RHNO1: variants seen among roughly 807,000 people sequenced by gnomAD.
RHNO1 encodes the protein RAD9-HUS1-RAD1 interacting nuclear orphan 1.
A neutral mutation model predicts 7.2 loss-of-function variants in RHNO1; 9 were observed. The observed-to-expected ratio is 1.25, with a 90% CI of 0.75 to 2.18. RHNO1 has a LOEUF of 2.18. Ranked by LOEUF, RHNO1 falls within the 30% of genes most tolerant of loss-of-function variation. The pLI is 0.00. For missense variants in RHNO1, 292 were observed against 284.5 expected (o/e 1.03, Z -0.19); for synonymous variants, 95 against 107.5 (o/e 0.88, Z 0.72).
chr12:2,878,617 AT>A (rs2098152567), intron 1 of RHNO1, among the ~76,000 whole-genome samples: 1 of 151,996 alleles, frequency 6.6e-6, no homozygotes, highest in Non-Finnish European at 1.5e-5. Context: ...GCTAGAGTGG[AT>A]TAGGGCAGAA....
intron 1 of RHNO1, among the ~76,000 whole-genome samples, chr12:2,881,864 C>A (rs2098158197): frequency 6.7e-6 from 1 of 149,838 alleles, no homozygotes; most frequent in Non-Finnish European, 1.5e-5. Context: ...AAGATCGCGC[C>A]ACTGTACTCT....
At chr12:2,883,476 AATATATATATAT>A (rs575732965) in intron 1 of RHNO1, among the ~76,000 whole-genome samples, 129 of 39,806 alleles carry the variant, frequency 3.2e-3, no homozygotes, top group South Asian at 5.4e-3. Flanking sequence ...GGAAGGATAG[AATATATATATAT>A]ATATATATAT....
At chr12:2,880,480 T>C (rs1187783403) in intron 1 of RHNO1, among the ~76,000 whole-genome samples, 1 of 151,356 alleles carries the variant, frequency 6.6e-6, no homozygotes, top group East Asian at 1.9e-4. Context: ...TAGCTGGGCG[T>C]GGTGAGGGCG....
chr12:2,883,517 T>TA (rs2098161645), intron 1 of RHNO1, among the ~76,000 whole-genome samples: 2 of 32,812 alleles, frequency 6.1e-5, no homozygotes, highest in Non-Finnish European at 5.7e-5. Context: ...ATATATTTTT[T>TA]TTTTTTTTTT....
rs1004870243 is a variant in RHNO1 at position 2,888,436 on chromosome 12, A to T, written c.694A>T (p.Ser232Cys). 2.5e-6 allele frequency: 4 copies of T among 1,573,514 alleles called. No homozygotes were observed. Among genetic ancestry groups the T allele is most frequent in the Non-Finnish European group, 3.4e-6 (4 of 1,162,726 alleles). ...YLRERGKLSR[S>C]QFLVKS ...CAGGGAGAGAGGGAAGCTGAGCAGAAGCCAATTCCTTGTGAAAAGCTGACT... is the reference window on the plus strand; with the variant it reads ...CAGGGAGAGAGGGAAGCTGAGCAGATGCCAATTCCTTGTGAAAAGCTGACT... Residue 232 changes from serine to cysteine, a missense_variant, in exon 3 of 3, where the codon AGC becomes TGC. Ser to Cys is a moderately radical substitution (Grantham distance 112). Coordinates refer to ENST00000489288, the MANE Select transcript of RHNO1 (RefSeq NM_001252499.3).
At chr12:2,884,661 C>A (rs2098163145) in intron 1 of RHNO1, among the ~76,000 whole-genome samples, 1 of 152,102 alleles carries the variant, frequency 6.6e-6, no homozygotes, top group African/African-American at 2.4e-5. Context: ...CCTCACCCAG[C>A]CATGTCACCT....
intron 1 of RHNO1, among the ~76,000 whole-genome samples, chr12:2,884,296 C>A (rs1565488856): frequency 6.6e-6 from 1 of 152,096 alleles, no homozygotes; most frequent in Non-Finnish European, 1.5e-5. Flanking sequence ...TGCAGTTGCG[C>A]AATCTCAGCT....
chr12:2,877,247 T>C lies in RHNO1; in HGVS notation c.-120T>C, dbSNP rs937689847. 1 of 152,208 alleles carries C rather than the reference T, an allele frequency of 6.6e-6. No homozygotes were observed. Among genetic ancestry groups the C allele is most frequent in the African/African-American group, 2.4e-5 (1 of 41,434 alleles). The allele number at this position is 152,208 out of a possible 1,614,324, so 9.4% of individuals were successfully genotyped here. The stretch of plus-strand genomic sequence containing the variant: ...CATTCCGGGCTCGAAGGCTGTGCGG[T>C]CTGCCAGGAGCTGCGGCCCCGTCCG... On this transcript the variant is annotated 5_prime_UTR_variant, in exon 1 of 3. Coordinates refer to ENST00000489288, the MANE Select transcript of RHNO1 (RefSeq NM_001252499.3).
chr12:2,878,967 G>T (rs1394452311), intron 1 of RHNO1, among the ~76,000 whole-genome samples: 1 of 118,570 alleles, frequency 8.4e-6, no homozygotes, highest in Non-Finnish European at 1.7e-5. Context: ...TGCTCAGAAT[G>T]AGTTTTTTTT....
At chr12:2,877,664 C>G (rs1014741231) in intron 1 of RHNO1, among the ~76,000 whole-genome samples, 7 of 152,146 alleles carry the variant, frequency 4.6e-5, no homozygotes, top group African/African-American at 1.7e-4. Context: ...CACCATGAAC[C>G]CTACCTCAGC....
chr12:2,879,194 G>A (rs2098154110), intron 1 of RHNO1, among the ~76,000 whole-genome samples: 1 of 151,640 alleles, frequency 6.6e-6, no homozygotes, highest in Non-Finnish European at 1.5e-5. Flanking sequence ...TGTAGAGACA[G>A]GGTCTCACTC....
At position 2,883,509 on chromosome 12, in the gene RHNO1, A is replaced by T. The variant is rs1245967676; in HGVS notation, c.-84-1774A>T. 8.0e-3 allele frequency among the ~76,000 whole-genome samples: 194 copies of T among 24,184 alleles called. 4 individuals carry two copies. The highest frequency in any genetic ancestry group is 0.046 in the African/African-American group (164 of 3,582). The allele number at this position is 24,184 out of a possible 152,430, so 15.9% of individuals were successfully genotyped here. ...TATATATATATATATATATATATAT[A>T]TATTTTTTTTTTTTTTTTTTTTTTT... On this transcript the variant is annotated intron_variant, in intron 1 of 2. Transcript: ENST00000489288.
At chr12:2,883,479 ATATATAT>A (rs2098160922) in intron 1 of RHNO1, among the ~76,000 whole-genome samples, 4 of 33,390 alleles carry the variant, frequency 1.2e-4, no homozygotes, top group Admixed American at 4.0e-4. Context: ...AGGATAGAAT[ATATATAT>A]ATATATATAT....
chr12:2,889,506 C>T lies in RHNO1; in HGVS notation c.*1047C>T, dbSNP rs1490207161. 6.6e-6 allele frequency: 1 copy of T among 152,170 alleles called. No homozygotes were observed. Among genetic ancestry groups the T allele is most frequent in the Non-Finnish European group, 1.5e-5 (1 of 68,034 alleles). The allele number at this position is 152,170 out of a possible 1,614,324, so 9.4% of individuals were successfully genotyped here. The stretch of plus-strand genomic sequence containing the variant: ...CTCAGACAAGTAGCATCTCATTAAA[C>T]CCATTCATTTAGCATTCATTCAGCT... On this transcript the variant is annotated 3_prime_UTR_variant, in exon 3 of 3. Transcript: ENST00000489288.
At chr12:2,884,502 G>A (rs999548268) in intron 1 of RHNO1, among the ~76,000 whole-genome samples, 1 of 151,384 alleles carries the variant, frequency 6.6e-6, no homozygotes, top group Non-Finnish European at 1.5e-5. Context: ...GCTGGGATTA[G>A]AGGCGTGAGC....
At position 2,885,305 on chromosome 12, in the gene RHNO1, A is replaced by T; in HGVS notation, c.-62A>T. 1 of 1,459,354 alleles carries T rather than the reference A, an allele frequency of 6.9e-7. No individual in the cohort carries two copies. Among genetic ancestry groups the T allele is most frequent in the Non-Finnish European group, 9.3e-7 (1 of 1,070,770 alleles). The allele number at this position is 1,459,354 out of a possible 1,614,324, so 90.4% of individuals were successfully genotyped here. On this transcript the variant is annotated 5_prime_UTR_variant, in exon 2 of 3. Transcript: ENST00000489288. ...CAGGCATGGGTTGGAATTGGAGCCTATCCCCCAACCCGAAGGCTAACAGCA... is the reference window on the plus strand; with the variant it reads ...CAGGCATGGGTTGGAATTGGAGCCTTTCCCCCAACCCGAAGGCTAACAGCA...
At chr12:2,880,918 C>T (rs2098156733) in intron 1 of RHNO1, among the ~76,000 whole-genome samples, 2 of 151,832 alleles carry the variant, frequency 1.3e-5, no homozygotes, top group Admixed American at 6.6e-5. Context: ...GGATTACAGG[C>T]GTGAGCTACT....
chr12:2,878,075 G>A (rs549580430), intron 1 of RHNO1: 1 of 152,404 alleles, frequency 6.6e-6, no homozygotes, highest in Non-Finnish European at 1.5e-5. Flanking sequence ...TGGAGGCTGA[G>A]GTGGAAGGAT....
At chr12:2,885,211 C>A in intron 1 of RHNO1, 72 bp from the exon 2 acceptor site, 1 of 674,300 alleles carries the variant, frequency 1.5e-6, no homozygotes, top group Non-Finnish European at 2.5e-6. Flanking sequence ...GTAGAATTGG[C>A]TGGCAGAGGA....
Sources: allele counts gnomAD v4.1 joint callset (sites outside exome capture counted in the v4.1 genomes callset), GRCh38; gene constraint gnomAD v4.1.1; transcripts MANE v1.5; gene names NCBI Gene and HGNC (gene_info 2026-07-23, HGNC 2026-07-21).